VCF1: variants seen among roughly 807,000 people sequenced by gnomAD.
VCF1 encodes protein VCF1.
At chr17:73,223,984 AAAAG>A in the VCF1 span, among the ~76,000 whole-genome samples, 113 of 151,200 alleles carry the variant, frequency 7.5e-4, no homozygotes, top group African/African-American at 2.6e-3. Flanking sequence ...TGCCAGAAAG[AAAAG>A]AAAGAAAGGG....
the VCF1 span, among the ~76,000 whole-genome samples, chr17:73,215,965 G>A: frequency 6.6e-6 from 1 of 152,086 alleles, no homozygotes; most frequent in Non-Finnish European, 1.5e-5. Flanking sequence ...GTGTGGTGTG[G>A]GTGGGCCCTT....
At chr17:73,211,086 C>T in the VCF1 span, among the ~76,000 whole-genome samples, 1 of 152,172 alleles carries the variant, frequency 6.6e-6, no homozygotes, top group Non-Finnish European at 1.5e-5. Flanking sequence ...AATACATCCA[C>T]ATTTATGTTC....
chr17:73,228,543 A>G, the VCF1 span, among the ~76,000 whole-genome samples: 1 of 152,180 alleles, frequency 6.6e-6, no homozygotes, highest in Admixed American at 6.5e-5. Flanking sequence ...TTGGAATAAT[A>G]AAGAGTGTGT....
the VCF1 span, among the ~76,000 whole-genome samples, chr17:73,210,309 A>G: frequency 6.6e-6 from 1 of 152,140 alleles, no homozygotes; most frequent in Non-Finnish European, 1.5e-5. Flanking sequence ...CCCTGAAAGG[A>G]CTTTAATAGA....
the VCF1 span, among the ~76,000 whole-genome samples, chr17:73,225,867 A>AAT: frequency 2.3e-4 from 25 of 110,688 alleles, no homozygotes; most frequent in South Asian, 2.0e-3. Flanking sequence ...ATAGGAAAAA[A>AAT]ATATATATAT....
At chr17:73,208,948 G>A in the VCF1 span, 3 of 251,180 alleles carry the variant, frequency 1.2e-5, no homozygotes, top group African/African-American at 2.3e-5. Flanking sequence ...TAGGGAGTGT[G>A]CTTCACTGAC....
At chr17:73,229,133 C>G in the VCF1 span, 1 of 985,146 alleles carries the variant, frequency 1.0e-6, no homozygotes, top group African/African-American at 1.7e-5. Context: ...CATGAAATAT[C>G]CCTGCCTCAT....
chr17:73,224,865 CACAGG>C, the VCF1 span, among the ~76,000 whole-genome samples: 1 of 128,672 alleles, frequency 7.8e-6, no homozygotes, highest in African/African-American at 3.2e-5. Context: ...GACAGGACAG[CACAGG>C]ACAGGACAGC....
chr17:73,217,542 C>T, the VCF1 span, among the ~76,000 whole-genome samples: 18 of 146,932 alleles, frequency 1.2e-4, no homozygotes, highest in Non-Finnish European at 2.2e-4. Flanking sequence ...CCCAGCTACT[C>T]GGGAGGCTAA....
chr17:73,217,997 A>G, the VCF1 span, among the ~76,000 whole-genome samples: 1 of 152,232 alleles, frequency 6.6e-6, no homozygotes, highest in Non-Finnish European at 1.5e-5. Context: ...AGATCAATGT[A>G]GTATTTTATT....
chr17:73,217,894 C>G, the VCF1 span, among the ~76,000 whole-genome samples: 1 of 149,742 alleles, frequency 6.7e-6, no homozygotes, highest in Non-Finnish European at 1.5e-5. Context: ...ATTGCTTGAA[C>G]CCAGGAGGCA....
At chr17:73,224,850 G>C in the VCF1 span, among the ~76,000 whole-genome samples, 14 of 139,630 alleles carry the variant, frequency 1.0e-4, no homozygotes, top group South Asian at 4.5e-4. Context: ...CACAGGACAG[G>C]ACAGGACAGG....
At chr17:73,209,596 T>C in the VCF1 span, 2 of 1,582,536 alleles carry the variant, frequency 1.3e-6, no homozygotes, top group South Asian at 1.2e-5. Flanking sequence ...CTGGTTGATG[T>C]GGAAGTAGAG....
At chr17:73,210,555 A>G in the VCF1 span, among the ~76,000 whole-genome samples, 1 of 151,716 alleles carries the variant, frequency 6.6e-6, no homozygotes, top group South Asian at 2.1e-4. Context: ...TAGGACTCTC[A>G]AAGGGGAGGG....
At chr17:73,231,301 T>C in the VCF1 span, among the ~76,000 whole-genome samples, 1 of 152,162 alleles carries the variant, frequency 6.6e-6, no homozygotes, top group African/African-American at 2.4e-5. Context: ...AACTTTCTCC[T>C]CCACACATTC....
the VCF1 span, among the ~76,000 whole-genome samples, chr17:73,214,939 C>A: frequency 2.1e-4 from 32 of 152,218 alleles, no homozygotes. Flanking sequence ...TTACAAAGCT[C>A]ATTTTCTTTT....
At chr17:73,208,987 G>A in the VCF1 span, 2 of 223,598 alleles carry the variant, frequency 8.9e-6, no homozygotes, top group South Asian at 6.6e-5. Context: ...TTGTTCTCCT[G>A]TTACACAGGA....
the VCF1 span, chr17:73,227,509 T>A: frequency 1.5e-6 from 1 of 687,600 alleles, no homozygotes; most frequent in Non-Finnish European, 1.9e-6. Context: ...AAAAGAAGCT[T>A]AACAATTTTA....
the VCF1 span, chr17:73,232,226 G>C: frequency 6.2e-7 from 1 of 1,611,626 alleles, no homozygotes; most frequent in Non-Finnish European, 8.5e-7. Context: ...CAGCCGCTCG[G>C]GTGGACGCAG....
Sources: gnomAD v4.1 joint callset for allele counts (sites outside exome capture counted in the v4.1 genomes callset) on GRCh38, gnomAD v4.1.1 for gene constraint, MANE v1.5 for transcripts, NCBI Gene and HGNC (gene_info 2026-07-23, HGNC 2026-07-21) for gene names.